The following MACROH2A2 variants were observed in gnomAD, a reference collection of about 807,000 sequenced individuals.
MACROH2A2 encodes core histone macro-H2A.2.
MACROH2A2 carries 6 observed loss-of-function variants against 37.6 expected under a neutral mutation model. The observed-to-expected ratio is 0.16, with a 90% CI of 0.09 to 0.32. MACROH2A2 has a LOEUF of 0.32. MACROH2A2 is among the 10% of genes least tolerant of loss of function. The probability of loss-of-function intolerance (pLI) is 1.00; values close to 1 mark genes in which losing one functional copy is unlikely to be tolerated. For missense variants in MACROH2A2, 290 were observed against 485.9 expected (o/e 0.60, Z 3.79); for synonymous variants, 192 against 202.7 (o/e 0.95, Z 0.45).
chr10:70,069,589 G>A (rs1195181393), intron 1 of MACROH2A2, among the ~76,000 whole-genome samples: 7 of 152,070 alleles, frequency 4.6e-5, no homozygotes, highest in Non-Finnish European at 2.9e-5. Context: ...CAAGAGCTGC[G>A]TCCAGCCATA....
At chr10:70,103,016 G>C (rs2072316004) in intron 7 of MACROH2A2, among the ~76,000 whole-genome samples, 1 of 151,800 alleles carries the variant, frequency 6.6e-6, no homozygotes, top group Admixed American at 6.6e-5. Context: ...GCCAGAGCCA[G>C]ACTCACTGCC....
In MACROH2A2 at chr10:70,053,977, A is replaced by G. The variant is rs1347207270; in HGVS notation, c.-60+977A>G. On this transcript the variant is annotated intron_variant, in intron 1 of 8. Transcript: ENST00000373255. This position sits in a 1 kb window ranked among gnomAD's most constrained non-coding sequence, Gnocchi z 4.8. ...CTGCCTCCCCCGGCTCCCAGCCTCC[A>G]GCCCCGGCGCACCTCAGCCCCAGCC... Among the ~76,000 whole-genome samples, 1 of 152,102 alleles carries G rather than the reference A, an allele frequency of 6.6e-6. No homozygotes were observed. Among genetic ancestry groups the G allele is most frequent in the Non-Finnish European group, 1.5e-5 (1 of 67,980 alleles).
chr10:70,109,414 G>A (rs1014280825), intron 8 of MACROH2A2, among the ~76,000 whole-genome samples: 3 of 152,232 alleles, frequency 2.0e-5, no homozygotes, highest in Non-Finnish European at 2.9e-5. Flanking sequence ...GGTCTTCCCC[G>A]GCTGGGGCCA....
At chr10:70,102,113 G>A (rs771936461) in intron 7 of MACROH2A2, among the ~76,000 whole-genome samples, 2 of 152,170 alleles carry the variant, frequency 1.3e-5, no homozygotes, top group African/African-American at 2.4e-5. Flanking sequence ...AAAACCCACC[G>A]CTGCCCTCAG....
Position 70,100,317 on chromosome 10 carries a change from C to T in MACROH2A2, c.778+20C>T, listed in dbSNP as rs370811490. 2.5e-5 allele frequency: 35 copies of T among 1,403,854 alleles called. No individual in the cohort carries two copies. In the African/African-American group the frequency reaches 4.2e-4, roughly 17 times the overall value. 87.0% of individuals were successfully genotyped at this position (1,403,854 alleles called of 1,614,324 possible). On this transcript the variant is annotated intron_variant, in intron 7 of 8. Transcript: ENST00000373255. ...CCGAAGGTAAGTGTGGAACTAGGCT[C>T]CTGTCACCAGCATGGCCTCACCCTC...
chr10:70,063,988 C>T (rs144683709), intron 1 of MACROH2A2, among the ~76,000 whole-genome samples: 6 of 152,336 alleles, frequency 3.9e-5, no homozygotes, highest in Admixed American at 6.5e-5. Flanking sequence ...TATCCTTTCT[C>T]CCTCCTTTAC....
intron 1 of MACROH2A2, among the ~76,000 whole-genome samples, chr10:70,061,771 T>G (rs907152301): frequency 1.5e-4 from 23 of 152,248 alleles, no homozygotes; most frequent in African/African-American, 5.5e-4. Context: ...GATTAATGCT[T>G]GGTTCTAACA....
chr10:70,109,249 C>T, intron 8 of MACROH2A2, 42 bp downstream of exon 8: 1 of 1,551,820 alleles, frequency 6.4e-7, no homozygotes, highest in African/African-American at 1.4e-5. Context: ...CGGCTTTTTC[C>T]CTGGAAATCA....
chr10:70,063,516 A>G (rs1259862528), intron 1 of MACROH2A2, among the ~76,000 whole-genome samples: 2 of 152,206 alleles, frequency 1.3e-5, no homozygotes, highest in African/African-American at 4.8e-5. Context: ...TCAGTGACTC[A>G]CCTGGTGATG....
At chr10:70,076,375 G>A (rs527651654) in intron 2 of MACROH2A2, among the ~76,000 whole-genome samples, 28 of 152,158 alleles carry the variant, frequency 1.8e-4, no homozygotes, top group Non-Finnish European at 3.1e-4. Context: ...GGTGATTCTC[G>A]TCTAATAGGG....
At chr10:70,089,399 T>G (rs2072230441) in intron 2 of MACROH2A2, among the ~76,000 whole-genome samples, 1 of 152,184 alleles carries the variant, frequency 6.6e-6, no homozygotes, top group South Asian at 2.1e-4. Context: ...TTCTTCTTGG[T>G]CAAAGATGGC....
In MACROH2A2 at chr10:70,052,927, C is replaced by G. The variant is rs572356889; in HGVS notation, c.-133C>G. The G allele has an allele frequency of 6.5e-6, 1 of 152,678 alleles. No individual in the cohort carries two copies. The highest frequency in any genetic ancestry group is 2.1e-4 in the South Asian group (1 of 4,834). The allele number at this position is 152,678 out of a possible 1,614,324, so 9.5% of individuals were successfully genotyped here. On this transcript the variant is annotated 5_prime_UTR_variant, in exon 1 of 9. Transcript: ENST00000373255. ...AGAGTCCTGCCCGGCACCGGCGCCGCGTGGGCCAAACCTGCGCCCGTGGAG... is the reference window on the plus strand; with the variant it reads ...AGAGTCCTGCCCGGCACCGGCGCCGGGTGGGCCAAACCTGCGCCCGTGGAG...
intron 6 of MACROH2A2, 135 bp from the exon 7 acceptor site, chr10:70,100,073 G>C: frequency 1.8e-6 from 1 of 556,186 alleles, no homozygotes; most frequent in Non-Finnish European, 3.2e-6. Context: ...TGGCAAACCA[G>C]GATAACAATT....
chr10:70,061,053 A>C (rs1463088612), intron 1 of MACROH2A2, among the ~76,000 whole-genome samples: 1 of 152,070 alleles, frequency 6.6e-6, no homozygotes, highest in African/African-American at 2.4e-5. Flanking sequence ...GGCCATCAGC[A>C]TGTTAAATAA....
rs193231001 is a variant in MACROH2A2, at chr10:70,077,508, G to T, written c.172+1678G>T. On this transcript the variant is annotated intron_variant, in intron 2 of 8. Transcript: ENST00000373255. ...AGGCAGGAGAATCACTTGAACCCAG[G>T]AGTTGGAGGTTGCAGTGAGCTGAGA... Among the ~76,000 whole-genome samples the T allele has an allele frequency of 4.8e-3, 736 of 152,134 alleles. 7 individuals are homozygous for T. The highest frequency in any genetic ancestry group is 0.017 in the African/African-American group (703 of 41,504).
Position 70,053,398 on chromosome 10 carries a change from CG to C in MACROH2A2, c.-60+400del, listed in dbSNP as rs1330191897. Among the ~76,000 whole-genome samples the C allele has an allele frequency of 6.7e-6, 1 of 150,324 alleles. No homozygotes were observed. The highest frequency in any genetic ancestry group is 2.4e-5 in the African/African-American group (1 of 40,904). The stretch of plus-strand genomic sequence containing the variant: ...GCAGGAGCGGGAGGACGGAGGCGCC[CG>C]GCCGCCGATGGGCACGGGGCGATGG... On this transcript the variant is annotated intron_variant, in intron 1 of 8. Coordinates refer to ENST00000373255, the MANE Select transcript of MACROH2A2 (RefSeq NM_018649.3). This position sits in a 1 kb window ranked among gnomAD's most constrained non-coding sequence, Gnocchi z 4.8.
intron 1 of MACROH2A2, among the ~76,000 whole-genome samples, chr10:70,069,494 G>A (rs1158546438): frequency 6.6e-6 from 1 of 152,056 alleles, no homozygotes; most frequent in Admixed American, 6.5e-5. Context: ...TTCCTCTATA[G>A]CCCACGTGCA....
intron 1 of MACROH2A2, among the ~76,000 whole-genome samples, chr10:70,059,405 C>A (rs1191894682): frequency 6.6e-6 from 1 of 150,862 alleles, no homozygotes; most frequent in East Asian, 1.9e-4. Context: ...CAGAGTCTCA[C>A]TCTGTCACCC....
chr10:70,056,779 C>T (rs1426081297), intron 1 of MACROH2A2, among the ~76,000 whole-genome samples: 1 of 152,114 alleles, frequency 6.6e-6, no homozygotes, highest in South Asian at 2.1e-4. Context: ...GAGTCCTGGC[C>T]TGGCCTACCC....
Sources: gnomAD v4.1 joint callset for allele counts (sites outside exome capture counted in the v4.1 genomes callset) on GRCh38, gnomAD v4.1.1 for gene constraint, Gnocchi (gnomAD v3.1) non-coding constraint, MANE v1.5 for transcripts, NCBI Gene and HGNC (gene_info 2026-07-23, HGNC 2026-07-21) for gene names.